Variants in SMARCA2 observed in about 807,000 individuals in gnomAD.
SMARCA2 encodes SWI/SNF-related matrix-associated actin-dependent regulator of chromatin subfamily A member 2.
A neutral mutation model predicts 199.8 loss-of-function variants in SMARCA2; 61 were observed. That is an observed-to-expected ratio of 0.31 (90% CI 0.25 to 0.38). SMARCA2 has a LOEUF of 0.38. SMARCA2 is among the 10% of genes least tolerant of loss of function. The pLI, the probability that SMARCA2 is intolerant of heterozygous loss-of-function variation, is 1.00. For missense variants in SMARCA2, 1,344 were observed against 2,012.2 expected (o/e 0.67, Z 6.35); for synonymous variants, 935 against 732.0 (o/e 1.28, Z -4.48).
rs1444075534 is a variant in SMARCA2, at chr9:2,016,703, A to T, written c.-37+1299A>T. 2.6e-5 allele frequency among the ~76,000 whole-genome samples: 4 copies of T among 151,712 alleles called. No homozygotes were observed. Among genetic ancestry groups the T allele is most frequent in the Non-Finnish European group, 5.9e-5 (4 of 67,886 alleles). On this transcript the variant is annotated intron_variant, in intron 1 of 33. Coordinates refer to ENST00000349721, the MANE Select transcript of SMARCA2 (RefSeq NM_003070.5). The surrounding 1 kb of genome is among the most constrained non-coding windows in gnomAD (Gnocchi z 5.6). ...GGGGTGGCGAGGGCGGGAGGCGGGG[A>T]GACCGGGTAGGAGCCTCCTCCCAAC...
At chr9:2,060,118 CAAAAAAA>C (rs372329238) in intron 8 of SMARCA2, among the ~76,000 whole-genome samples, 44 of 62,412 alleles carry the variant, frequency 7.0e-4, no homozygotes, top group African/African-American at 1.4e-3. Context: ...GATCTGTGGC[CAAAAAAA>C]AAAAAAAAAA....
chr9:2,093,622 T>A (rs1822153312), intron 19 of SMARCA2, among the ~76,000 whole-genome samples: 2 of 152,156 alleles, frequency 1.3e-5, no homozygotes, highest in African/African-American at 2.4e-5. Flanking sequence ...ACAACCCTGG[T>A]CCCCAGAAGG....
intron 27 of SMARCA2, among the ~76,000 whole-genome samples, chr9:2,131,105 T>C (rs1823928128): frequency 6.6e-6 from 1 of 152,226 alleles, no homozygotes; most frequent in Admixed American, 6.5e-5. Flanking sequence ...ATTTATTTAA[T>C]TGCTACGTGA....
chr9:2,120,511 A>G (rs1170953535), intron 26 of SMARCA2, among the ~76,000 whole-genome samples: 1 of 152,228 alleles, frequency 6.6e-6, no homozygotes, highest in Non-Finnish European at 1.5e-5. Flanking sequence ...AAGTTATTAT[A>G]TAACACTGCA....
At chr9:2,173,070 G>C (rs1416081290) in intron 29 of SMARCA2, among the ~76,000 whole-genome samples, 2 of 152,192 alleles carry the variant, frequency 1.3e-5, no homozygotes, top group African/African-American at 4.8e-5. Flanking sequence ...GTGTGAGGAG[G>C]AGGAGGAAGA....
chr9:2,187,199 T>TG (rs1410411265), intron 32 of SMARCA2, among the ~76,000 whole-genome samples: 2 of 149,680 alleles, frequency 1.3e-5, no homozygotes, highest in Non-Finnish European at 3.0e-5. Flanking sequence ...ATCATGGATT[T>TG]GGGGGGCATT....
At position 2,056,137 on chromosome 9, in the gene SMARCA2, A is replaced by G. The variant is rs1586655348; in HGVS notation, c.1174-535A>G. Among the ~76,000 whole-genome samples, 1 of 150,854 alleles carries G rather than the reference A, an allele frequency of 6.6e-6. No homozygotes were observed. Among genetic ancestry groups the G allele is most frequent in the East Asian group, 2.0e-4 (1 of 5,126 alleles). ...AAAATGTAGATCTCTTGGAAAGAAG[A>G]TCATTATTGGAGTGGGAAGAAGCCA... On this transcript the variant is annotated intron_variant, in intron 6 of 33. Coordinates refer to ENST00000349721, the MANE Select transcript of SMARCA2 (RefSeq NM_003070.5). This position sits in a 1 kb window ranked among gnomAD's most constrained non-coding sequence, Gnocchi z 4.0.
intron 27 of SMARCA2, among the ~76,000 whole-genome samples, chr9:2,154,509 C>T (rs1052968826): frequency 6.6e-6 from 1 of 152,170 alleles, no homozygotes; most frequent in Admixed American, 6.5e-5. Flanking sequence ...TCATTCTCAT[C>T]AGTATCTTAT....
At chr9:2,057,345 A>G (rs12376510) in intron 7 of SMARCA2, among the ~76,000 whole-genome samples, 24,487 of 152,146 alleles carry the variant, frequency 0.16, 2,097 homozygotes, top group African/African-American at 0.21. Flanking sequence ...TAAGGGCTCT[A>G]CCCTCATGAC....
At position 2,058,161 on chromosome 9, in the gene SMARCA2, C is replaced by T. The variant is rs73638371; in HGVS notation, c.1348-130C>T. ...CTGCAGAGACACCAGGGCACCTATCCCCAAACAGATTCTAGTCTTCCTATG... is the reference window on the plus strand; with the variant it reads ...CTGCAGAGACACCAGGGCACCTATCTCCAAACAGATTCTAGTCTTCCTATG... On this transcript the variant is annotated intron_variant, in intron 7 of 33. Coordinates refer to ENST00000349721, the MANE Select transcript of SMARCA2 (RefSeq NM_003070.5). 3.8e-6 allele frequency: 3 copies of T among 792,632 alleles called. No individual in the cohort carries two copies. The Admixed American group carries it at 6.3e-5, about 17-fold the overall frequency. The allele number at this position is 792,632 out of a possible 1,614,324, so 49.1% of individuals were successfully genotyped here.
At chr9:2,132,083 T>C (rs1213349006) in intron 27 of SMARCA2, among the ~76,000 whole-genome samples, 1 of 152,176 alleles carries the variant, frequency 6.6e-6, no homozygotes, top group Non-Finnish European at 1.5e-5. Flanking sequence ...AGTTGGCCTC[T>C]CATCACAGGA....
At chr9:2,144,760 AGCGAG>A in intron 27 of SMARCA2, among the ~76,000 whole-genome samples, 1 of 152,298 alleles carries the variant, frequency 6.6e-6, no homozygotes, top group South Asian at 2.1e-4. Flanking sequence ...GTTCTCTAGC[AGCGAG>A]GCCTCCAGAG....
chr9:2,157,698 G>A, intron 27 of SMARCA2: 1 of 384,050 alleles, frequency 2.6e-6, no homozygotes, highest in East Asian at 3.7e-5. Flanking sequence ...GGCGGAGGTG[G>A]AAACGATGCG....
rs370038170 is a variant in SMARCA2, at chr9:2,103,957, A to G, written c.3126-46A>G. On this transcript the variant is annotated intron_variant, in intron 22 of 33. Transcript: ENST00000349721. ...AAGCAATGCTGGATTTTTTAAGAAGACAGAAGTAATACTGTCTTCTTGTTT... is the reference window on the plus strand; with the variant it reads ...AAGCAATGCTGGATTTTTTAAGAAGGCAGAAGTAATACTGTCTTCTTGTTT... 48 of 1,573,010 alleles carry G rather than the reference A, an allele frequency of 3.1e-5. 2 individuals carry two copies. In the South Asian group the frequency reaches 5.2e-4, roughly 17 times the overall value.
chr9:2,186,487 C>G (rs555505289), intron 32 of SMARCA2, among the ~76,000 whole-genome samples: 6 of 152,178 alleles, frequency 3.9e-5, no homozygotes, highest in Admixed American at 2.0e-4. Flanking sequence ...CTAGCAAACA[C>G]TGTTTTATTT....
At chr9:2,058,694 G>C (rs997402455) in intron 8 of SMARCA2, among the ~76,000 whole-genome samples, 3 of 152,166 alleles carry the variant, frequency 2.0e-5, no homozygotes, top group African/African-American at 7.2e-5. Context: ...CTGTGTCCTG[G>C]GGTGGCATTG....
rs1399732021 is a variant in SMARCA2, at chr9:2,169,736, C to T, written c.4200-683C>T. Among the ~76,000 whole-genome samples the T allele has an allele frequency of 1.3e-5, 2 of 152,138 alleles. No individual in the cohort carries two copies. The highest frequency in any genetic ancestry group is 4.8e-5 in the African/African-American group (2 of 41,420). On this transcript the variant is annotated intron_variant, in intron 28 of 33. Transcript: ENST00000349721. The surrounding 1 kb of genome is among the most constrained non-coding windows in gnomAD (Gnocchi z 6.5). ...AAACCTGGCAGCTGCTTCCCTGCCA[C>T]CACAAAAAGGGACACCAACCTAGCA... is the stretch of plus-strand genomic sequence containing the variant.
intron 1 of SMARCA2, among the ~76,000 whole-genome samples, chr9:2,025,603 G>A (rs1490802443): frequency 2.0e-5 from 3 of 152,156 alleles, no homozygotes; most frequent in Non-Finnish European, 2.9e-5. Flanking sequence ...GGAGAAGAAA[G>A]GGGTAGAGAG....
chr9:2,097,513 A>T, intron 21 of SMARCA2, 42 bp downstream of exon 21: 2 of 1,124,012 alleles, frequency 1.8e-6, no homozygotes, highest in Non-Finnish European at 2.6e-6. Context: ...TGTGCTAATC[A>T]TACTAATGCT....
Sources: allele counts gnomAD v4.1 joint callset (sites outside exome capture counted in the v4.1 genomes callset), GRCh38; gene constraint gnomAD v4.1.1; non-coding constraint Gnocchi (gnomAD v3.1); transcripts MANE v1.5; gene names NCBI Gene and HGNC (gene_info 2026-07-23, HGNC 2026-07-21).